Variants in ACYP2 observed in about 807,000 individuals in gnomAD.
ACYP2 encodes acylphosphatase-2.
Under a neutral mutation model 11.2 loss-of-function variants are expected in ACYP2, and 12 were observed. The observed-to-expected ratio is 1.08, with a 90% CI of 0.69 to 1.74. The LOEUF is 1.74. Among genes scored for constraint, ACYP2 ranks in the 40% most tolerant of loss-of-function variants. The pLI, the probability that ACYP2 is intolerant of heterozygous loss-of-function variation, is 0.00. For synonymous variants in ACYP2, 43 were observed against 32.2 expected, an observed-to-expected ratio of 1.33 and a Z score of -1.13; for missense variants, 134 against 101.9, an observed-to-expected ratio of 1.31 and a Z score of -1.35.
At chr2:54,139,147 C>T (rs1413119944) in intron 6 of ACYP2, among the ~76,000 whole-genome samples, 1 of 152,138 alleles carries the variant, frequency 6.6e-6, no homozygotes, top group Non-Finnish European at 1.5e-5. Context: ...TTGTGGCTTC[C>T]CTCTCCAATT....
intron 4 of ACYP2, among the ~76,000 whole-genome samples, chr2:54,088,776 C>T (rs1678075929): frequency 6.6e-6 from 1 of 152,150 alleles, no homozygotes; most frequent in Admixed American, 6.5e-5. Context: ...TGGAGTCTGC[C>T]AGAGTTTTCA....
intron 6 of ACYP2, among the ~76,000 whole-genome samples, chr2:54,208,370 T>A (rs1268448371): frequency 6.6e-6 from 1 of 151,798 alleles, no homozygotes; most frequent in Non-Finnish European, 1.5e-5. Flanking sequence ...TCCATCTATG[T>A]TTTTCTTTTT....
At chr2:54,126,612 A>G (rs1486222040) in intron 4 of ACYP2, among the ~76,000 whole-genome samples, 1 of 151,722 alleles carries the variant, frequency 6.6e-6, no homozygotes, top group Non-Finnish European at 1.5e-5. Context: ...AAAAAAAAAA[A>G]AAAAGCATAA....
chr2:53,997,627 C>G (rs1218813420), intron 2 of ACYP2, among the ~76,000 whole-genome samples: 1 of 152,018 alleles, frequency 6.6e-6, no homozygotes, highest in Non-Finnish European at 1.5e-5. Flanking sequence ...TCTTTTAGTA[C>G]TCAAGTTTTA....
At chr2:54,198,538 T>C (rs1235247692) in intron 6 of ACYP2, among the ~76,000 whole-genome samples, 1 of 151,690 alleles carries the variant, frequency 6.6e-6, no homozygotes, top group Non-Finnish European at 1.5e-5. Flanking sequence ...ATAAAACTTT[T>C]TGTTTCACAG....
intron 6 of ACYP2, among the ~76,000 whole-genome samples, chr2:54,201,628 C>CTT (rs879397824): frequency 0.055 from 5,423 of 99,240 alleles, 228 homozygotes; most frequent in East Asian, 0.12. Context: ...TTCTTTGTTT[C>CTT]TTTCTTTCTC....
chr2:54,206,734 G>A (rs1685082843), intron 6 of ACYP2, among the ~76,000 whole-genome samples: 1 of 152,102 alleles, frequency 6.6e-6, no homozygotes, highest in African/African-American at 2.4e-5. Flanking sequence ...ATTTAGAAAT[G>A]CAAACTAAAT....
At chr2:54,105,073 T>C (rs1452931179) in intron 4 of ACYP2, among the ~76,000 whole-genome samples, 1 of 152,216 alleles carries the variant, frequency 6.6e-6, no homozygotes, top group African/African-American at 2.4e-5. Context: ...TACTATTTTG[T>C]TGAAAACAAT....
chr2:54,015,574 G>C (rs189672220), intron 2 of ACYP2, among the ~76,000 whole-genome samples: 1 of 151,854 alleles, frequency 6.6e-6, no homozygotes, highest in Non-Finnish European at 1.5e-5. Flanking sequence ...CCTGAGCCTG[G>C]GGAGGTGGAG....
chr2:54,003,591 G>A (rs1258245131), intron 2 of ACYP2, among the ~76,000 whole-genome samples: 1 of 152,136 alleles, frequency 6.6e-6, no homozygotes, highest in Non-Finnish European at 1.5e-5. Context: ...ACTGAATAAT[G>A]TTCAGTTGTC....
intron 6 of ACYP2, among the ~76,000 whole-genome samples, chr2:54,298,985 T>G (rs1396745727): frequency 6.6e-6 from 1 of 152,118 alleles, no homozygotes; most frequent in East Asian, 1.9e-4. Context: ...ACTCCTGACC[T>G]CAACTGATCC....
At chr2:53,990,158 T>C (rs1672218558) in intron 2 of ACYP2, among the ~76,000 whole-genome samples, 1 of 151,858 alleles carries the variant, frequency 6.6e-6, no homozygotes. Context: ...TTTGTATTTT[T>C]AGTAGAGGCA....
chr2:54,025,851 T>C (rs1674255393), intron 2 of ACYP2, among the ~76,000 whole-genome samples: 2 of 152,100 alleles, frequency 1.3e-5, no homozygotes, highest in South Asian at 4.1e-4. Context: ...ATCCCAGCGC[T>C]TTGGGAGGCC....
intron 4 of ACYP2, among the ~76,000 whole-genome samples, chr2:54,067,191 G>GAC (rs1199129134): frequency 4.6e-5 from 7 of 152,162 alleles, no homozygotes; most frequent in Non-Finnish European, 1.0e-4. Flanking sequence ...TGAAAGTTAA[G>GAC]TCTAAGTAAA....
At chr2:54,219,055 A>G (rs1685675078) in intron 6 of ACYP2, among the ~76,000 whole-genome samples, 1 of 152,222 alleles carries the variant, frequency 6.6e-6, no homozygotes, top group African/African-American at 2.4e-5. Flanking sequence ...ACTTAAAGCC[A>G]TTAGGATCTA....
chr2:53,987,050 C>T (rs2104515069), intron 2 of ACYP2, among the ~76,000 whole-genome samples: 1 of 152,280 alleles, frequency 6.6e-6, no homozygotes, highest in South Asian at 2.1e-4. Flanking sequence ...ATGGATGAAT[C>T]TTGAAAACAG....
At chr2:54,015,516 G>T (rs1673630144) in intron 2 of ACYP2, among the ~76,000 whole-genome samples, 1 of 151,896 alleles carries the variant, frequency 6.6e-6, no homozygotes, top group African/African-American at 2.4e-5. Flanking sequence ...CAGGTATGGT[G>T]GTGTGTGCCT....
chr2:53,998,882 C>G (rs1036806000), intron 2 of ACYP2, among the ~76,000 whole-genome samples: 2 of 152,096 alleles, frequency 1.3e-5, no homozygotes, highest in East Asian at 1.9e-4. Context: ...CTGAGATTCA[C>G]GAATCCAGGC....
Position 54,255,653 on chromosome 2 carries a change from C to G in ACYP2, c.405-49035C>G. 3.7e-6 allele frequency: 6 copies of G among 1,613,812 alleles called. No individual in the cohort carries two copies. The highest frequency in any genetic ancestry group is 5.1e-6 in the Non-Finnish European group (6 of 1,180,026). On this transcript the variant is annotated intron_variant, in intron 6 of 6. Transcript: ENST00000607452. ...TCCGCCACGTCCATTTCTTCGCCTC[C>G]TGGCTTCTCATCCACTGGGGCTGAG... is the stretch of plus-strand genomic sequence containing the variant.
Sources: allele counts gnomAD v4.1 joint callset (sites outside exome capture counted in the v4.1 genomes callset), GRCh38; gene constraint gnomAD v4.1.1; transcripts MANE v1.5; gene names NCBI Gene and HGNC (gene_info 2026-07-23, HGNC 2026-07-21).